Variants in SLC14A2 observed in about 807,000 individuals in gnomAD.
SLC14A2 encodes the protein solute carrier family 14 member 2.
A neutral mutation model predicts 104.6 loss-of-function variants in SLC14A2; 91 were observed. The ratio of observed to expected loss-of-function variants is 0.87; its 90% CI spans 0.73 to 1.04. The LOEUF (loss-of-function observed/expected upper bound fraction) is 1.04, where lower values mean the gene tolerates loss of function less well. Among genes scored for constraint, SLC14A2 ranks in the 50% least tolerant of loss-of-function variants. The probability of loss-of-function intolerance (pLI) is 0.00; values close to 1 mark genes in which losing one functional copy is unlikely to be tolerated. For synonymous variants in SLC14A2, 476 were observed against 466.4 expected (o/e 1.02, Z -0.27); for missense variants, 1,189 against 1,156.0 (o/e 1.03, Z -0.41).
intron 1 of SLC14A2, among the ~76,000 whole-genome samples, chr18:45,230,599 C>T (rs1353970148): frequency 6.6e-6 from 1 of 152,172 alleles, no homozygotes; most frequent in Non-Finnish European, 1.5e-5. Flanking sequence ...TTAATCACAT[C>T]TGCAGGTTTC....
intron 1 of SLC14A2, among the ~76,000 whole-genome samples, chr18:45,349,476 C>T (rs1295760157): frequency 3.9e-5 from 6 of 152,206 alleles, no homozygotes; most frequent in Non-Finnish European, 8.8e-5. Context: ...CACATTCCAA[C>T]CTTCTCCTAG....
chr18:45,229,357 A>AT (rs1176826704), intron 1 of SLC14A2, among the ~76,000 whole-genome samples: 1 of 152,014 alleles, frequency 6.6e-6, no homozygotes, highest in African/African-American at 2.4e-5. Flanking sequence ...TAGATAATAG[A>AT]TATAGATCAC....
chr18:45,357,318 T>C (rs1347580312), intron 1 of SLC14A2, among the ~76,000 whole-genome samples: 3 of 147,966 alleles, frequency 2.0e-5, no homozygotes, highest in African/African-American at 5.1e-5. Context: ...TACGGTGGAA[T>C]TGGAAGAAAG....
At chr18:45,297,319 AG>A (rs2084926546) in intron 1 of SLC14A2, among the ~76,000 whole-genome samples, 1 of 152,248 alleles carries the variant, frequency 6.6e-6, no homozygotes, top group Non-Finnish European at 1.5e-5. Context: ...TATTAATTAC[AG>A]CTTAGTTTAA....
At chr18:45,403,217 T>A (rs1043858184) in intron 1 of SLC14A2, among the ~76,000 whole-genome samples, 9 of 152,274 alleles carry the variant, frequency 5.9e-5, no homozygotes, top group Non-Finnish European at 1.0e-4. Flanking sequence ...TTGGTGGCTT[T>A]TCCTCTTCTT....
chr18:45,598,991 G>C (rs866590694), intron 2 of SLC14A2, among the ~76,000 whole-genome samples: 1 of 152,104 alleles, frequency 6.6e-6, no homozygotes, highest in African/African-American at 2.4e-5. Context: ...TCATGTGCCG[G>C]TATATGCAGC....
intron 1 of SLC14A2, among the ~76,000 whole-genome samples, chr18:45,414,742 C>A (rs1387136024): frequency 1.6e-4 from 7 of 43,586 alleles, no homozygotes; most frequent in Admixed American, 3.7e-4. Context: ...AGGCACCGAG[C>A]GTAAAAAAAA....
At chr18:45,416,931 T>C (rs1036707868) in intron 1 of SLC14A2, among the ~76,000 whole-genome samples, 8 of 152,104 alleles carry the variant, frequency 5.3e-5, no homozygotes, top group Admixed American at 5.2e-4. Context: ...ATGAGTGGGG[T>C]GTAAAGGATC....
chr18:45,235,011 C>T (rs1373200234), intron 1 of SLC14A2, among the ~76,000 whole-genome samples: 1 of 152,128 alleles, frequency 6.6e-6, no homozygotes, highest in Non-Finnish European at 1.5e-5. Flanking sequence ...AAACAAGAGA[C>T]ATTTTCTGCT....
intron 2 of SLC14A2, among the ~76,000 whole-genome samples, chr18:45,593,892 C>T (rs1416703145): frequency 1.3e-5 from 2 of 152,186 alleles, no homozygotes; most frequent in African/African-American, 4.8e-5. Context: ...ATATACAATA[C>T]AACTCTTAAG....
At chr18:45,580,033 G>A (rs939244824) in intron 2 of SLC14A2, among the ~76,000 whole-genome samples, 2 of 152,092 alleles carry the variant, frequency 1.3e-5, no homozygotes, top group Admixed American at 1.3e-4. Flanking sequence ...AGGGAGAGAT[G>A]GGATATTGAT....
In SLC14A2 at chr18:45,624,704, C is replaced by T. The variant is rs1462913982; in HGVS notation, c.40C>T (p.Leu14Phe). The T allele has an allele frequency of 2.5e-6, 4 of 1,613,340 alleles. No homozygotes were observed. The highest frequency in any genetic ancestry group is 1.7e-4 in the Middle Eastern group (1 of 6,060). The change falls in exon 2 of 20, where the codon CTT becomes TTT. Residue 14 changes from leucine to phenylalanine, a missense_variant. Coordinates refer to ENST00000255226, the MANE Select transcript of SLC14A2 (RefSeq NM_007163.4). ...CAGCAGTCCTCTCCTGCCAGAGCCA[C>T]TTTCCAGCAGATACAAACTCTACGA... Reference protein sequence around the residue: ...PHSSPLLPEPLSSRYKLYEAE... With the variant: ...PHSSPLLPEPFSSRYKLYEAE...
chr18:45,470,924 T>C (rs535338413), intron 1 of SLC14A2, among the ~76,000 whole-genome samples: 5 of 152,180 alleles, frequency 3.3e-5, no homozygotes, highest in Non-Finnish European at 7.3e-5. Flanking sequence ...AGTTTCAGTG[T>C]TTTAAAATGT....
At chr18:45,615,813 G>A (rs888279670) in intron 1 of SLC14A2, among the ~76,000 whole-genome samples, 1 of 139,506 alleles carries the variant, frequency 7.2e-6, no homozygotes, top group African/African-American at 2.7e-5. Flanking sequence ...ATGTGTAGGG[G>A]TGTATGTGTG....
chr18:45,563,784 C>A (rs117441933), intron 2 of SLC14A2, among the ~76,000 whole-genome samples: 389 of 152,302 alleles, frequency 2.6e-3, no homozygotes, highest in Admixed American at 7.0e-3. Flanking sequence ...ACAAGCTGAT[C>A]AAATTTTGTA....
chr18:45,662,451 A>T (rs1053938280), intron 10 of SLC14A2, among the ~76,000 whole-genome samples: 1 of 152,194 alleles, frequency 6.6e-6, no homozygotes, highest in Non-Finnish European at 1.5e-5. Context: ...CAGCTTTCGT[A>T]TGCACACGAA....
chr18:45,392,130 A>T (rs2085975881), intron 1 of SLC14A2, among the ~76,000 whole-genome samples: 1 of 152,210 alleles, frequency 6.6e-6, no homozygotes, highest in Non-Finnish European at 1.5e-5. Context: ...AGCACTTCAG[A>T]ATCCTCACCC....
chr18:45,344,917 G>A (rs1324552209), intron 1 of SLC14A2, among the ~76,000 whole-genome samples: 1 of 152,170 alleles, frequency 6.6e-6, no homozygotes, highest in Admixed American at 6.5e-5. Context: ...CCAGCATGCA[G>A]AGCTGTGCTG....
At chr18:45,339,553 AACACACAC>A (rs753471580) in intron 1 of SLC14A2, among the ~76,000 whole-genome samples, 1 of 151,624 alleles carries the variant, frequency 6.6e-6, no homozygotes, top group Non-Finnish European at 1.5e-5. Context: ...GATTAAAATG[AACACACAC>A]ACACACAAAC....
Sources: gnomAD v4.1 joint callset for allele counts (sites outside exome capture counted in the v4.1 genomes callset) on GRCh38, gnomAD v4.1.1 for gene constraint, MANE v1.5 for transcripts, NCBI Gene and HGNC (gene_info 2026-07-23, HGNC 2026-07-21) for gene names.